AKT3: variants seen among roughly 807,000 people sequenced by gnomAD.
AKT3 encodes the protein RAC-gamma serine/threonine-protein kinase.
Under a neutral mutation model 65.3 loss-of-function variants are expected in AKT3, and 15 were observed. The observed-to-expected ratio is 0.23, with a 90% CI of 0.15 to 0.35. AKT3 has a LOEUF of 0.35. Ranked by LOEUF, AKT3 falls within the 10% of genes least tolerant of loss-of-function variation. The probability of loss-of-function intolerance (pLI) is 1.00; values close to 1 mark genes in which losing one functional copy is unlikely to be tolerated. For missense variants in AKT3, 243 were observed against 576.5 expected, an observed-to-expected ratio of 0.42 and a Z score of 5.92; for synonymous variants, 206 against 183.8, an observed-to-expected ratio of 1.12 and a Z score of -0.98.
At chr1:243,563,518 T>G (rs1673940177) in intron 10 of AKT3, among the ~76,000 whole-genome samples, 1 of 152,218 alleles carries the variant, frequency 6.6e-6, no homozygotes, top group African/African-American at 2.4e-5. Flanking sequence ...ACCTTTGTGC[T>G]TATAGTTTAT....
chr1:243,829,006 A>G (rs1694341521), intron 2 of AKT3, among the ~76,000 whole-genome samples: 1 of 152,234 alleles, frequency 6.6e-6, no homozygotes, highest in Non-Finnish European at 1.5e-5. Context: ...GAGGCAAAAC[A>G]GAAAGATGCA....
intron 2 of AKT3, among the ~76,000 whole-genome samples, chr1:243,797,538 GAA>G (rs994705539): frequency 2.0e-5 from 3 of 152,142 alleles, no homozygotes; most frequent in African/African-American, 7.2e-5. Flanking sequence ...TATTGGGAGA[GAA>G]AACTTGCTAT....
chr1:243,662,162 C>T (rs952415057), intron 4 of AKT3, among the ~76,000 whole-genome samples: 8 of 152,062 alleles, frequency 5.3e-5, no homozygotes, highest in South Asian at 2.1e-4. Flanking sequence ...TCCTCAGGGA[C>T]CTAGAACTAG....
At chr1:243,530,824 AAG>A (rs1553397082) in intron 12 of AKT3, among the ~76,000 whole-genome samples, 1 of 152,192 alleles carries the variant, frequency 6.6e-6, no homozygotes, top group Non-Finnish European at 1.5e-5. Context: ...AGAAATGACA[AAG>A]GGGTCATTAC....
intron 6 of AKT3, among the ~76,000 whole-genome samples, chr1:243,630,370 A>G (rs1291073505): frequency 6.6e-6 from 1 of 152,202 alleles, no homozygotes; most frequent in African/African-American, 2.4e-5. Flanking sequence ...AAATTCCTCT[A>G]AATCTGTGGA....
intron 6 of AKT3, among the ~76,000 whole-genome samples, chr1:243,620,712 G>C (rs1290048355): frequency 6.6e-6 from 1 of 152,022 alleles, no homozygotes; most frequent in Non-Finnish European, 1.5e-5. Flanking sequence ...TTCTCACCTT[G>C]ATGGAGATGA....
intron 6 of AKT3, among the ~76,000 whole-genome samples, chr1:243,632,919 G>C (rs1459217694): frequency 1.3e-5 from 2 of 152,266 alleles, no homozygotes; most frequent in Middle Eastern, 3.4e-3. Flanking sequence ...CCTTGCTCTG[G>C]ATTAGGCTTT....
intron 12 of AKT3, among the ~76,000 whole-genome samples, chr1:243,533,197 G>C (rs932112311): frequency 2.0e-5 from 3 of 152,112 alleles, no homozygotes; most frequent in Non-Finnish European, 2.9e-5. Flanking sequence ...AAATAATGAA[G>C]AGGTAAAACT....
chr1:243,808,103 A>C (rs1202403945), intron 2 of AKT3: 2 of 152,214 alleles, frequency 1.3e-5, no homozygotes, highest in Non-Finnish European at 2.9e-5. Context: ...AAAAACTGAA[A>C]ATTCTAAAAA....
chr1:243,514,500 T>G (rs1053998446), intron 12 of AKT3, among the ~76,000 whole-genome samples: 4 of 152,188 alleles, frequency 2.6e-5, no homozygotes, highest in African/African-American at 9.7e-5. Flanking sequence ...CTTCAAGACT[T>G]TGCGACATCT....
chr1:243,550,716 G>A (rs542892786), intron 11 of AKT3, among the ~76,000 whole-genome samples: 1 of 149,318 alleles, frequency 6.7e-6, no homozygotes, highest in Non-Finnish European at 1.5e-5. Context: ...AAAGCCGAGG[G>A]GGGTGGATCA....
At chr1:243,845,713 T>C (rs1017832594) in intron 1 of AKT3, among the ~76,000 whole-genome samples, 2 of 151,704 alleles carry the variant, frequency 1.3e-5, no homozygotes, top group African/African-American at 2.4e-5. Context: ...TTTTTAAAAA[T>C]CCATACATAC....
At chr1:243,719,828 G>A (rs1007543384) in intron 2 of AKT3, among the ~76,000 whole-genome samples, 4 of 152,108 alleles carry the variant, frequency 2.6e-5, no homozygotes, top group African/African-American at 4.8e-5. Flanking sequence ...GAACTCAGTC[G>A]TATGGCCACA....
intron 2 of AKT3, among the ~76,000 whole-genome samples, chr1:243,710,225 T>C (rs1686060563): frequency 6.6e-6 from 1 of 152,200 alleles, no homozygotes; most frequent in Non-Finnish European, 1.5e-5. Flanking sequence ...TTTGTGAAAA[T>C]GTCCTTACAG....
At chr1:243,745,583 C>T (rs1688431162) in intron 2 of AKT3, among the ~76,000 whole-genome samples, 1 of 152,166 alleles carries the variant, frequency 6.6e-6, no homozygotes. Flanking sequence ...TCCCTATTCC[C>T]TTTAAACCAA....
chr1:243,806,155 T>C (rs574540679), intron 2 of AKT3, among the ~76,000 whole-genome samples: 1 of 152,332 alleles, frequency 6.6e-6, no homozygotes, highest in Admixed American at 6.5e-5. Context: ...CATCACCCAA[T>C]GAACATGACT....
intron 12 of AKT3, among the ~76,000 whole-genome samples, chr1:243,521,129 G>A (rs560656936): frequency 6.6e-6 from 1 of 152,262 alleles, no homozygotes; most frequent in African/African-American, 2.4e-5. Flanking sequence ...AAATAGACTG[G>A]AGAACTTGAA....
chr1:243,559,686 C>G (rs1319353870), intron 10 of AKT3, among the ~76,000 whole-genome samples: 1 of 152,062 alleles, frequency 6.6e-6, no homozygotes, highest in Non-Finnish European at 1.5e-5. Context: ...CGAAGGAACA[C>G]TATTGCTAGA....
intron 8 of AKT3, among the ~76,000 whole-genome samples, chr1:243,600,091 A>G (rs1676905661): frequency 6.6e-6 from 1 of 152,104 alleles, no homozygotes; most frequent in African/African-American, 2.4e-5. Flanking sequence ...AAGTATCCCT[A>G]AGGATAAATT....
Sources: gnomAD v4.1 joint callset for allele counts (sites outside exome capture counted in the v4.1 genomes callset) on GRCh38, gnomAD v4.1.1 for gene constraint, MANE v1.5 for transcripts, NCBI Gene and HGNC (gene_info 2026-07-23, HGNC 2026-07-21) for gene names.